PCSK6: variants seen among roughly 807,000 people sequenced by gnomAD.
The protein encoded by PCSK6 is paired basic amino acid cleaving enzyme 4.
In PCSK6, 85 loss-of-function variants were observed where a neutral mutation model predicts 123.3. That is an observed-to-expected ratio of 0.69 (90% confidence interval 0.58 to 0.83). PCSK6 has a LOEUF of 0.83. PCSK6 is among the 40% of genes least tolerant of loss of function. The pLI is 0.00. For missense variants in PCSK6, 1,191 were observed against 1,282.3 expected (o/e 0.93, Z 1.09); for synonymous variants, 508 against 516.0 (o/e 0.98, Z 0.21).
intron 1 of PCSK6, among the ~76,000 whole-genome samples, chr15:101,446,599 G>A (rs1381667178): frequency 2.0e-5 from 3 of 152,180 alleles, no homozygotes; most frequent in African/African-American, 7.2e-5. Flanking sequence ...GCAGAGCTGA[G>A]TGGTTGCAAC....
chr15:101,434,023 A>C (rs1438046923), intron 2 of PCSK6, among the ~76,000 whole-genome samples: 3 of 152,222 alleles, frequency 2.0e-5, no homozygotes. Flanking sequence ...AGTCCTAGAT[A>C]ATTTATAATG....
chr15:101,440,636 A>G (rs1056694372), intron 2 of PCSK6, among the ~76,000 whole-genome samples: 4 of 152,256 alleles, frequency 2.6e-5, no homozygotes, highest in Non-Finnish European at 5.9e-5. Context: ...ACACAATGGC[A>G]GCCTCGCATT....
At position 101,409,517 on chromosome 15, in the gene PCSK6, G is replaced by A. The variant is rs1431839607; in HGVS notation, c.824-10941C>T. 4.0e-5 allele frequency among the ~76,000 whole-genome samples: 6 copies of A among 151,170 alleles called. No individual in the cohort carries two copies. The East Asian group carries it at 7.8e-4, about 20-fold the overall frequency. On this transcript the variant is annotated intron_variant, in intron 6 of 21. Coordinates refer to ENST00000611716, the MANE Select transcript of PCSK6 (RefSeq NM_002570.5). ...GGAGAATGGCGTGAACCCGGGAGGC[G>A]GAGCTTGCAGTGAGCCGAGATCGTG...
intron 7 of PCSK6, among the ~76,000 whole-genome samples, chr15:101,394,140 T>TTTG (rs2042326189): frequency 1.2e-5 from 1 of 80,952 alleles, no homozygotes; most frequent in African/African-American, 5.2e-5. Flanking sequence ...TTTTTTTGTT[T>TTTG]TTTGTTTTTT....
Position 101,322,526 on chromosome 15 carries a change from CCTT to C in PCSK6, c.2456_2458del (p.Glu819del), listed in dbSNP as rs752822586. 2 of 1,611,900 alleles carry C rather than the reference CCTT, an allele frequency of 1.2e-6. No individual in the cohort carries two copies. Among genetic ancestry groups the C allele is most frequent in the Admixed American group, 1.7e-5 (1 of 60,006 alleles). On this transcript the variant is annotated inframe_deletion, in exon 18 of 22. Transcript: ENST00000611716. ...GGTTTCGAGGGGGTTTTACCTGAAT[CCTT>C]CTTTACAGACAGTACATTTCTCAGG...
intron 1 of PCSK6, among the ~76,000 whole-genome samples, chr15:101,475,304 C>G (rs1360144446): frequency 6.6e-6 from 1 of 152,122 alleles, no homozygotes; most frequent in Non-Finnish European, 1.5e-5. Flanking sequence ...GCAAAGCCAA[C>G]AAACACTCTG....
At chr15:101,467,596 T>A (rs1459700778) in intron 1 of PCSK6, among the ~76,000 whole-genome samples, 2 of 152,162 alleles carry the variant, frequency 1.3e-5, no homozygotes, top group African/African-American at 2.4e-5. Context: ...AAAAAAGAAT[T>A]ACAAACATGC....
At chr15:101,364,918 A>C (rs771465582) in intron 13 of PCSK6, 1 of 721,030 alleles carries the variant, frequency 1.4e-6, no homozygotes, top group Non-Finnish European at 2.6e-6. Flanking sequence ...CTACAAAGCT[A>C]CAGTGATCAA....
chr15:101,405,041 A>G (rs2042728365), intron 6 of PCSK6, among the ~76,000 whole-genome samples: 1 of 152,232 alleles, frequency 6.6e-6, no homozygotes, highest in African/African-American at 2.4e-5. Context: ...GAAAGCAAGC[A>G]TCACGCGCTT....
At position 101,366,255 on chromosome 15, in the gene PCSK6, C is replaced by G; in HGVS notation, c.1799G>C (p.Gly600Ala). 6.2e-7 allele frequency: 1 copy of G among 1,613,802 alleles called. No homozygotes were observed. Among genetic ancestry groups the G allele is most frequent in the Non-Finnish European group, 8.5e-7 (1 of 1,179,778 alleles). The change falls in exon 13 of 22, where the codon GGG becomes GCG. Residue 600 changes from glycine (G) to alanine (A), a missense_variant. Around this residue, in one of 3 missense-constraint regions of PCSK6, gnomAD observed 630 missense variants for 631.4 expected, o/e 1.00. Coordinates refer to ENST00000611716, the MANE Select transcript of PCSK6 (RefSeq NM_002570.5). Reference sequence around the variant, plus strand: ...ATCTTGGATTTCCAAGGTCCACTGCCCTTCAGCCTTTTCTCCCCAGCAGTG... The same window carrying G: ...ATCTTGGATTTCCAAGGTCCACTGCGCTTCAGCCTTTTCTCCCCAGCAGTG... Reference protein sequence around the residue: ...TVHCWGEKAEGQWTLEIQDLP... With the variant: ...TVHCWGEKAEAQWTLEIQDLP...
chr15:101,422,452 T>G (rs10152229), intron 6 of PCSK6, among the ~76,000 whole-genome samples: 33,023 of 152,072 alleles, frequency 0.22, 3,918 homozygotes, highest in East Asian at 0.32. Flanking sequence ...TTTAAACATT[T>G]CAGGCTTTCC....
intron 12 of PCSK6, among the ~76,000 whole-genome samples, chr15:101,367,202 C>G (rs2041424360): frequency 6.6e-6 from 1 of 152,196 alleles, no homozygotes; most frequent in African/African-American, 2.4e-5. Context: ...AAACAGGAAG[C>G]AACTAATCAA....
At chr15:101,315,793 G>A (rs1240418360) in intron 19 of PCSK6, among the ~76,000 whole-genome samples, 7 of 152,206 alleles carry the variant, frequency 4.6e-5, no homozygotes, top group Non-Finnish European at 7.3e-5. Flanking sequence ...GGTAAGTCGC[G>A]TCCCACGGGG....
chr15:101,464,008 T>TA (rs1209788051), intron 1 of PCSK6, among the ~76,000 whole-genome samples: 1 of 152,120 alleles, frequency 6.6e-6, no homozygotes, highest in Non-Finnish European at 1.5e-5. Context: ...CCAGGTCTCT[T>TA]ACAGTTTTAG....
chr15:101,341,922 G>A (rs1343461223), intron 13 of PCSK6, among the ~76,000 whole-genome samples: 2 of 152,044 alleles, frequency 1.3e-5, no homozygotes, highest in Non-Finnish European at 2.9e-5. Flanking sequence ...TTGAGGTCAG[G>A]AGTTCAAGAC....
chr15:101,468,687 G>A (rs1163489216), intron 1 of PCSK6, among the ~76,000 whole-genome samples: 1 of 152,170 alleles, frequency 6.6e-6, no homozygotes, highest in Non-Finnish European at 1.5e-5. Context: ...TAATAACTGG[G>A]AGTGGCCATC....
At chr15:101,436,997 G>A (rs185746200) in intron 2 of PCSK6, among the ~76,000 whole-genome samples, 1 of 152,334 alleles carries the variant, frequency 6.6e-6, no homozygotes, top group Admixed American at 6.5e-5. Flanking sequence ...CCCTCAAGGA[G>A]TGGAAGGACA....
At chr15:101,430,405 T>G (rs533583170) in intron 4 of PCSK6, among the ~76,000 whole-genome samples, 81 of 152,248 alleles carry the variant, frequency 5.3e-4, no homozygotes, top group Middle Eastern at 3.4e-3. Context: ...ACTCCACCTT[T>G]TTGTCTAAGA....
chr15:101,351,525 C>T (rs1490144977), intron 13 of PCSK6, among the ~76,000 whole-genome samples: 1 of 152,094 alleles, frequency 6.6e-6, no homozygotes, highest in Non-Finnish European at 1.5e-5. Context: ...GGTTATGGAA[C>T]CAGAATTCGG....
Sources: gnomAD v4.1 joint callset for allele counts (sites outside exome capture counted in the v4.1 genomes callset) on GRCh38, gnomAD v4.1.1 for gene constraint, gnomAD v4.1.1 regional missense constraint, MANE v1.5 for transcripts, NCBI Gene and HGNC (gene_info 2026-07-23, HGNC 2026-07-21) for gene names.